Variants in TIMMDC1 observed in about 807,000 individuals in gnomAD.
TIMMDC1 encodes translocase of inner mitochondrial membrane domain containing 1.
A neutral mutation model predicts 32.6 loss-of-function variants in TIMMDC1; 25 were observed. The observed-to-expected ratio is 0.77, with a 90% CI of 0.56 to 1.07. The LOEUF is 1.07. Ranked by LOEUF, TIMMDC1 falls within the 50% of genes least tolerant of loss-of-function variation. The pLI is 0.00. For synonymous variants in TIMMDC1, 130 were observed against 127.6 expected, an observed-to-expected ratio of 1.02 and a Z score of -0.13; for missense variants, 329 against 349.2, an observed-to-expected ratio of 0.94 and a Z score of 0.46.
intron 6 of TIMMDC1, among the ~76,000 whole-genome samples, chr3:119,522,944 G>C (rs2082038373): frequency 6.6e-6 from 1 of 151,932 alleles, no homozygotes; most frequent in East Asian, 1.9e-4. Context: ...CAAAAAAATT[G>C]CCTCAATGAG....
rs554246044 is a variant in TIMMDC1, at chr3:119,524,801, A to T, written c.*1045A>T. ...GCTATGTCTTTCCAGTTCTCTGCTGATGTCAGAAAGACCCAGAAATACCAA... is the reference window on the plus strand; with the variant it reads ...GCTATGTCTTTCCAGTTCTCTGCTGTTGTCAGAAAGACCCAGAAATACCAA... On this transcript the variant is annotated 3_prime_UTR_variant, in exon 7 of 7. Coordinates refer to ENST00000494664, the MANE Select transcript of TIMMDC1 (RefSeq NM_016589.4). 5 of 152,328 alleles carry T rather than the reference A, an allele frequency of 3.3e-5. No individual in the cohort carries two copies. The South Asian group carries it at 1.0e-3, about 32-fold the overall frequency. 9.4% of individuals were successfully genotyped at this position (152,328 alleles called of 1,614,324 possible). A position where few individuals can be genotyped will look rare whatever the true frequency, so the allele number is the denominator to read the frequency against.
At chr3:119,501,986 T>G (rs1248924682) in intron 2 of TIMMDC1, among the ~76,000 whole-genome samples, 1 of 152,200 alleles carries the variant, frequency 6.6e-6, no homozygotes, top group Non-Finnish European at 1.5e-5. Flanking sequence ...CTGGTGATGT[T>G]TACTTCAGTG....
intron 5 of TIMMDC1, among the ~76,000 whole-genome samples, chr3:119,513,981 A>G (rs1318178692): frequency 1.3e-5 from 2 of 152,206 alleles, no homozygotes; most frequent in African/African-American, 2.4e-5. Context: ...TATCTAAGAT[A>G]GGGCCCTTAT....
At position 119,523,854 on chromosome 3, in the gene TIMMDC1, A is replaced by G. The variant is rs1237558491; in HGVS notation, c.*98A>G. 2.4e-6 allele frequency: 3 copies of G among 1,275,642 alleles called. No individual in the cohort carries two copies. Among genetic ancestry groups the G allele is most frequent in the Admixed American group, 2.6e-5 (1 of 37,856 alleles). The allele number at this position is 1,275,642 out of a possible 1,614,324, so 79.0% of individuals were successfully genotyped here. ...CCACTCTTTGGTCAGCCTGCTGACA[A>G]ATTTAAGTGCTGGTACCTGTGGTGG... On this transcript the variant is annotated 3_prime_UTR_variant, in exon 7 of 7. Coordinates refer to ENST00000494664, the MANE Select transcript of TIMMDC1 (RefSeq NM_016589.4).
chr3:119,523,427 C>T (rs2082043836), intron 6 of TIMMDC1, among the ~76,000 whole-genome samples, 179 bp from the exon 7 acceptor site: 1 of 152,116 alleles, frequency 6.6e-6, no homozygotes, highest in African/African-American at 2.4e-5. Flanking sequence ...TCATAATTGG[C>T]TTGTGAGGTT....
Position 119,506,249 on chromosome 3 carries a change from G to C in TIMMDC1, c.517+2228G>C, listed in dbSNP as rs55703038. 5.1e-3 allele frequency among the ~76,000 whole-genome samples: 773 copies of C among 152,300 alleles called. 10 individuals carry two copies. The highest frequency in any genetic ancestry group is 9.5e-3 in the Non-Finnish European group (643 of 68,030). Reference sequence around the variant, plus strand: ...TTGTTAAATGTGAAAACCAGGCCAGGCACAGTGGCTCACGCCTGTAACCAG... The same window carrying C: ...TTGTTAAATGTGAAAACCAGGCCAGCCACAGTGGCTCACGCCTGTAACCAG... On this transcript the variant is annotated intron_variant, in intron 4 of 6. Transcript: ENST00000494664.
chr3:119,500,080 A>G (rs914493641), intron 1 of TIMMDC1, among the ~76,000 whole-genome samples: 11 of 152,202 alleles, frequency 7.2e-5, no homozygotes, highest in African/African-American at 2.7e-4. Flanking sequence ...CAGTGCTTTT[A>G]TTAGTACAGT....
chr3:119,515,344 C>T (rs2081979042), intron 5 of TIMMDC1, among the ~76,000 whole-genome samples: 1 of 152,156 alleles, frequency 6.6e-6, no homozygotes, highest in Non-Finnish European at 1.5e-5. Context: ...ATTTCTTCTC[C>T]TAGGGCCCCT....
intron 6 of TIMMDC1, among the ~76,000 whole-genome samples, chr3:119,521,253 A>G (rs2082024854): frequency 6.6e-6 from 1 of 152,146 alleles, no homozygotes; most frequent in Admixed American, 6.5e-5. Context: ...AGGCAAGAAA[A>G]AGAAATAAAG....
intron 4 of TIMMDC1, among the ~76,000 whole-genome samples, chr3:119,509,312 T>C (rs1336622843): frequency 6.6e-6 from 1 of 152,198 alleles, no homozygotes; most frequent in Non-Finnish European, 1.5e-5. Flanking sequence ...ATATATAAAT[T>C]TTTATAGTGG....
intron 5 of TIMMDC1, among the ~76,000 whole-genome samples, chr3:119,515,976 GAATTA>G (rs2081983403): frequency 2.0e-5 from 3 of 152,116 alleles, no homozygotes; most frequent in African/African-American, 7.2e-5. Context: ...TTAAAAATTT[GAATTA>G]AATAAAATCA....
intron 2 of TIMMDC1, among the ~76,000 whole-genome samples, chr3:119,501,724 G>A (rs1244123791): frequency 6.6e-6 from 1 of 151,336 alleles, no homozygotes; most frequent in Middle Eastern, 3.4e-3. Flanking sequence ...ATTTTTTTTT[G>A]TCTGGTCCAG....
Position 119,523,976 on chromosome 3 carries a change from G to A in TIMMDC1, c.*220G>A. On this transcript the variant is annotated 3_prime_UTR_variant, in exon 7 of 7. Transcript: ENST00000494664. Reference sequence around the variant, plus strand: ...TCCTTAAATTTAAATACATACTTATGTTTGTATTAATCTATCAATATATGC... The same window carrying A: ...TCCTTAAATTTAAATACATACTTATATTTGTATTAATCTATCAATATATGC... 2.5e-6 allele frequency: 1 copy of A among 397,668 alleles called. No homozygotes were observed. The allele number at this position is 397,668 out of a possible 1,614,324, so 24.6% of individuals were successfully genotyped here.
intron 6 of TIMMDC1, among the ~76,000 whole-genome samples, chr3:119,519,068 G>T (rs2082006169): frequency 1.3e-5 from 2 of 152,054 alleles, no homozygotes; most frequent in South Asian, 4.1e-4. Context: ...CAAAAGCACG[G>T]TAACTACCAT....
In TIMMDC1 at chr3:119,523,689, A is replaced by T; in HGVS notation, c.791A>T (p.Lys264Met). The T allele has an allele frequency of 3.7e-6, 6 of 1,613,772 alleles. No homozygotes were observed. The highest frequency in any genetic ancestry group is 5.1e-6 in the Non-Finnish European group (6 of 1,179,806). ...LQEDEPENDA[K>M]KIEALLNLPR... Reference sequence around the variant, plus strand: ...GAAGATGAACCTGAGAATGATGCTAAGAAAATTGAAGCACTGCTAAACCTT... The same window carrying T: ...GAAGATGAACCTGAGAATGATGCTATGAAAATTGAAGCACTGCTAAACCTT... The change falls in exon 7 of 7, where the codon AAG (lysine) becomes ATG (methionine). Residue 264 changes from lysine (K) to methionine (M), a missense_variant. By Grantham distance (95) the Lys-to-Met change is moderately conservative (BLOSUM62 -1). Coordinates refer to ENST00000494664, the MANE Select transcript of TIMMDC1 (RefSeq NM_016589.4).
At chr3:119,508,087 C>T (rs1305997236) in intron 4 of TIMMDC1, among the ~76,000 whole-genome samples, 2 of 152,120 alleles carry the variant, frequency 1.3e-5, no homozygotes, top group Non-Finnish European at 2.9e-5. Flanking sequence ...GTGAGAATAA[C>T]GGAATGTTCT....
Position 119,502,220 on chromosome 3 carries a change from A to C in TIMMDC1, c.361-1312A>C, listed in dbSNP as rs576873950. Among the ~76,000 whole-genome samples, 67 of 151,754 alleles carry C rather than the reference A, an allele frequency of 4.4e-4. No homozygotes were observed. The South Asian group carries it at 0.014, about 31-fold the overall frequency. On this transcript the variant is annotated intron_variant, in intron 2 of 6. Coordinates refer to ENST00000494664, the MANE Select transcript of TIMMDC1 (RefSeq NM_016589.4). ...ATTTATAATTTTTTTATTTTTTTAA[A>C]AATTATTTATTCCTTTATTTATTTT...
intron 4 of TIMMDC1, among the ~76,000 whole-genome samples, chr3:119,510,109 G>C (rs903306646): frequency 6.6e-6 from 1 of 152,130 alleles, no homozygotes; most frequent in Non-Finnish European, 1.5e-5. Context: ...AGTGCTTTTA[G>C]ATAGGAGGAA....
intron 6 of TIMMDC1, among the ~76,000 whole-genome samples, chr3:119,518,435 G>A (rs1390332371): frequency 6.6e-6 from 1 of 151,704 alleles, no homozygotes; most frequent in Non-Finnish European, 1.5e-5. Flanking sequence ...ATTCTTAAGA[G>A]CTGTAGGTCC....
Sources: allele counts gnomAD v4.1 joint callset (sites outside exome capture counted in the v4.1 genomes callset), GRCh38; gene constraint gnomAD v4.1.1; transcripts MANE v1.5; gene names NCBI Gene and HGNC (gene_info 2026-07-23, HGNC 2026-07-21).